Variants in WWOX observed in about 807,000 individuals in gnomAD.
WWOX encodes the protein WW domain-containing oxidoreductase.
In WWOX, 69 loss-of-function variants were observed where a neutral mutation model predicts 46.2. The observed-to-expected ratio is 1.49, with a 90% CI of 1.23 to 1.82. The LOEUF (loss-of-function observed/expected upper bound fraction) is 1.82, where lower values mean the gene tolerates loss of function less well. Ranked by LOEUF, WWOX falls within the 40% of genes most tolerant of loss-of-function variation. WWOX has a pLI of 0.00. For missense variants in WWOX, 919 were observed against 542.6 expected (o/e 1.69, Z -6.89); for synonymous variants, 359 against 202.6 (o/e 1.77, Z -6.56).
intron 8 of WWOX, among the ~76,000 whole-genome samples, chr16:79,207,547 G>C (rs1451856693): frequency 6.6e-6 from 1 of 152,192 alleles, no homozygotes; most frequent in African/African-American, 2.4e-5. Context: ...CTGTAAGAAA[G>C]CAATCTTAGA....
intron 5 of WWOX, among the ~76,000 whole-genome samples, chr16:78,377,012 G>C (rs530658432): frequency 6.6e-6 from 1 of 152,348 alleles, no homozygotes; most frequent in East Asian, 1.9e-4. Context: ...CCAGATCTCT[G>C]TGTTTGGAGC....
intron 8 of WWOX, among the ~76,000 whole-genome samples, chr16:79,007,003 A>T (rs1308194362): frequency 2.0e-5 from 3 of 152,110 alleles, no homozygotes; most frequent in Admixed American, 6.5e-5. Flanking sequence ...AACCTAACAT[A>T]TTCACAGGTT....
intron 8 of WWOX, among the ~76,000 whole-genome samples, chr16:79,200,790 T>C (rs410233): frequency 0.59 from 89,766 of 151,922 alleles, 27,636 homozygotes; most frequent in Non-Finnish European, 0.69. Flanking sequence ...TGTGCTGATA[T>C]TGTACCTGGG....
chr16:78,493,690 G>T (rs965350658), intron 8 of WWOX, among the ~76,000 whole-genome samples: 2 of 152,060 alleles, frequency 1.3e-5, no homozygotes, highest in Non-Finnish European at 2.9e-5. Context: ...CACTCCTTCT[G>T]AATACGTTAC....
intron 8 of WWOX, among the ~76,000 whole-genome samples, chr16:78,444,562 ACT>A (rs2083515582): frequency 7.1e-6 from 1 of 141,204 alleles, no homozygotes; most frequent in South Asian, 2.2e-4. Flanking sequence ...GTGGAGTCTC[ACT>A]CTGTCACCAG....
chr16:78,791,300 G>T (rs566235960), intron 8 of WWOX, among the ~76,000 whole-genome samples: 1 of 152,284 alleles, frequency 6.6e-6, no homozygotes, highest in South Asian at 2.1e-4. Flanking sequence ...GTCTGGTGAT[G>T]TGCTGGGTGT....
At chr16:78,672,891 A>T (rs1049883092) in intron 8 of WWOX, among the ~76,000 whole-genome samples, 3 of 152,206 alleles carry the variant, frequency 2.0e-5, no homozygotes, top group Non-Finnish European at 4.4e-5. Flanking sequence ...GTAAAGCAAT[A>T]CATCCTGATA....
intron 8 of WWOX, among the ~76,000 whole-genome samples, chr16:78,613,629 T>C (rs573934948): frequency 6.6e-6 from 1 of 152,268 alleles, no homozygotes; most frequent in East Asian, 1.9e-4. Context: ...TCACCACTAC[T>C]GTTGTTGTGT....
intron 8 of WWOX, among the ~76,000 whole-genome samples, chr16:78,808,233 C>T (rs938367960): frequency 6.6e-6 from 1 of 152,178 alleles, no homozygotes; most frequent in African/African-American, 2.4e-5. Flanking sequence ...CCATAGGGAC[C>T]CTGAACCTCT....
At chr16:78,429,655 A>G (rs1248879555) in intron 7 of WWOX, among the ~76,000 whole-genome samples, 1 of 152,136 alleles carries the variant, frequency 6.6e-6, no homozygotes, top group African/African-American at 2.4e-5. Flanking sequence ...CATGTCCCAT[A>G]CCTTGGATCA....
intron 8 of WWOX, among the ~76,000 whole-genome samples, chr16:78,450,264 C>T (rs549046059): frequency 6.6e-6 from 1 of 152,206 alleles, no homozygotes; most frequent in South Asian, 2.1e-4. Flanking sequence ...CCTTGAGTTG[C>T]ATATGATGGG....
chr16:78,543,555 G>A (rs1419953408), intron 8 of WWOX, among the ~76,000 whole-genome samples: 1 of 152,156 alleles, frequency 6.6e-6, no homozygotes, highest in Non-Finnish European at 1.5e-5. Flanking sequence ...TTCAACACTG[G>A]CCAAATTCTG....
intron 8 of WWOX, chr16:78,825,283 G>A (rs750468415): frequency 3.5e-6 from 1 of 283,028 alleles, no homozygotes. Context: ...GCAGCATGAT[G>A]GCCGCGCGAA....
At chr16:79,088,449 T>G (rs988962597) in intron 8 of WWOX, among the ~76,000 whole-genome samples, 1 of 152,198 alleles carries the variant, frequency 6.6e-6, no homozygotes, top group African/African-American at 2.4e-5. Context: ...GGCAGCCTGA[T>G]GAGCACAGGT....
chr16:78,882,881 C>T (rs866299560), intron 8 of WWOX, among the ~76,000 whole-genome samples: 13 of 151,966 alleles, frequency 8.6e-5, no homozygotes, highest in Admixed American at 1.3e-4. Flanking sequence ...TGAGTGTCTG[C>T]TTGGTCGAGT....
Position 78,125,616 on chromosome 16 carries a change from C to G in WWOX, c.409+10462C>G, listed in dbSNP as rs186931594. The stretch of plus-strand genomic sequence containing the variant: ...GTGGTTCACGCCTGTAAACCCAGCC[C>G]TTTGGGAGGCTGAGGCAGGAGGATT... On this transcript the variant is annotated intron_variant, in intron 4 of 8. Coordinates refer to ENST00000566780, the MANE Select transcript of WWOX (RefSeq NM_016373.4). Among the ~76,000 whole-genome samples the G allele has an allele frequency of 3.3e-5, 5 of 152,202 alleles. No homozygotes were observed. In the East Asian group the frequency reaches 7.7e-4, roughly 24 times the overall value.
intron 8 of WWOX, among the ~76,000 whole-genome samples, chr16:78,469,549 G>C (rs1220743654): frequency 6.6e-6 from 1 of 152,150 alleles, no homozygotes; most frequent in Non-Finnish European, 1.5e-5. Context: ...GCATGTCATG[G>C]GGTGTGCAGA....
intron 8 of WWOX, among the ~76,000 whole-genome samples, chr16:78,863,413 C>G (rs1208949668): frequency 2.6e-5 from 4 of 152,202 alleles, no homozygotes; most frequent in African/African-American, 9.6e-5. Flanking sequence ...TTAGAATCTT[C>G]TGAAATAATA....
intron 8 of WWOX, among the ~76,000 whole-genome samples, chr16:78,835,727 A>G (rs974658727): frequency 2.0e-5 from 3 of 152,236 alleles, no homozygotes; most frequent in Admixed American, 6.5e-5. Context: ...AATTGAGCAA[A>G]CTAGGCTCCA....
Sources: gnomAD v4.1 joint callset for allele counts (sites outside exome capture counted in the v4.1 genomes callset) on GRCh38, gnomAD v4.1.1 for gene constraint, MANE v1.5 for transcripts, NCBI Gene and HGNC (gene_info 2026-07-23, HGNC 2026-07-21) for gene names.